PCDH11X: variants seen among roughly 807,000 people sequenced by gnomAD.
The protein encoded by PCDH11X is protocadherin-11 X-linked.
In PCDH11X, 18 loss-of-function variants were observed where a neutral mutation model predicts 53.3. The ratio of observed to expected loss-of-function variants is 0.34; its 90% confidence interval spans 0.23 to 0.50. The LOEUF is 0.50. Among genes scored for constraint, PCDH11X ranks in the 20% least tolerant of loss-of-function variants. PCDH11X has a pLI of 0.98. For synonymous variants in PCDH11X, 279 were observed against 393.3 expected, an observed-to-expected ratio of 0.71 and a Z score of 3.44; for missense variants, 570 against 1,032.4, an observed-to-expected ratio of 0.55 and a Z score of 6.14.
At chrX:92,425,028 G>A (rs1202936719) in intron 9 of PCDH11X, among the ~76,000 whole-genome samples, 5 of 91,473 alleles carry the variant, frequency 5.5e-5, no homozygotes, top group African/African-American at 1.7e-4. Flanking sequence ...TGTGAGGGAA[G>A]TGTAATCTGG....
rs1170000952 is a variant in PCDH11X at position 92,619,936 on chromosome X, A to G, written c.*996A>G. On this transcript the variant is annotated 3_prime_UTR_variant, in exon 11 of 11. Transcript: ENST00000682573. ...ATTTAAATGTTGATTTGACAGCTCA[A>G]TAGGCTGTTACCAAAGGGTGTTCAG... The G allele has an allele frequency of 3.7e-5, 4 of 109,029 alleles. No homozygotes were observed. Among genetic ancestry groups the G allele is most frequent in the Non-Finnish European group, 7.6e-5 (4 of 52,564 alleles). 9.0% of individuals were successfully genotyped at this position (109,029 alleles called of 1,213,427 possible).
chrX:91,982,515 G>A, intron 6 of PCDH11X: 1 of 410,573 alleles, frequency 2.4e-6, no homozygotes, highest in Admixed American at 4.2e-5. Flanking sequence ...TCTTAAAGCT[G>A]AATCATCTTT....
At chrX:91,970,458 C>T (rs769576495) in intron 6 of PCDH11X, among the ~76,000 whole-genome samples, 12 of 111,099 alleles carry the variant, frequency 1.1e-4, no homozygotes, top group South Asian at 3.8e-4. Context: ...GTCCCCTACC[C>T]GATTAGTTAG....
intron 5 of PCDH11X, among the ~76,000 whole-genome samples, chrX:91,871,439 T>C (rs1205503360): frequency 9.5e-6 from 1 of 105,178 alleles, no homozygotes; most frequent in Non-Finnish European, 2.0e-5. Flanking sequence ...AAATGGCTTT[T>C]AATCAGTTTT....
intron 6 of PCDH11X, among the ~76,000 whole-genome samples, chrX:91,916,037 T>C (rs2147810685): frequency 9.1e-6 from 1 of 110,186 alleles, no homozygotes; most frequent in Admixed American, 9.7e-5. Flanking sequence ...CCTAAAGGAA[T>C]CCTCAAAACT....
intron 8 of PCDH11X, among the ~76,000 whole-genome samples, chrX:92,384,870 C>T (rs1169389978): frequency 1.0e-5 from 1 of 98,411 alleles, no homozygotes; most frequent in African/African-American, 3.7e-5. Context: ...CTTACAAAGG[C>T]AATCTAGTCC....
intron 10 of PCDH11X, among the ~76,000 whole-genome samples, chrX:92,525,262 T>C (rs1320853011): frequency 1.1e-4 from 12 of 111,201 alleles, no homozygotes; most frequent in Non-Finnish European, 1.9e-4. Context: ...ATAAGAACAA[T>C]GTAAAGAAGA....
intron 6 of PCDH11X, among the ~76,000 whole-genome samples, chrX:91,920,377 G>A (rs1423060970): frequency 9.2e-6 from 1 of 109,163 alleles, no homozygotes; most frequent in Non-Finnish European, 1.9e-5. Context: ...CCTTCTATAA[G>A]TCCCTTCTAT....
At chrX:92,583,040 T>A (rs1923894548) in intron 10 of PCDH11X, among the ~76,000 whole-genome samples, 1 of 109,410 alleles carries the variant, frequency 9.1e-6, no homozygotes, top group Non-Finnish European at 1.9e-5. Context: ...AACTTCCTTC[T>A]GATTTTACAG....
At chrX:92,462,061 G>GC (rs1309895294) in intron 9 of PCDH11X, among the ~76,000 whole-genome samples, 1 of 111,529 alleles carries the variant, frequency 9.0e-6, no homozygotes, top group African/African-American at 3.3e-5. Context: ...TTGTAATAGA[G>GC]CAAACAGGTT....
chrX:92,558,149 C>G lies in PCDH11X; in HGVS notation c.3368-60115C>G, dbSNP rs370202615. On this transcript the variant is annotated intron_variant, in intron 10 of 10. Coordinates refer to ENST00000682573, the MANE Select transcript of PCDH11X (RefSeq NM_032968.5). The stretch of plus-strand genomic sequence containing the variant: ...TCAAAATGAGATTTGAGTGGAGACA[C>G]AGCCAAACCATATCAACACATAATA... Among the ~76,000 whole-genome samples, 490 of 110,228 alleles carry G rather than the reference C, an allele frequency of 4.4e-3. 3 individuals carry two copies. The highest frequency in any genetic ancestry group is 0.018 in the South Asian group (47 of 2,563).
chrX:91,936,634 T>G (rs943713712), intron 6 of PCDH11X, among the ~76,000 whole-genome samples: 2 of 105,861 alleles, frequency 1.9e-5, no homozygotes, highest in Non-Finnish European at 3.9e-5. Context: ...GCTATTAACT[T>G]GAAGGTAATA....
rs777123486 is a variant in PCDH11X at position 92,535,438 on chromosome X, G to A, written c.3367+67116G>A. Reference sequence around the variant, plus strand: ...ACATGGGAACAGAAAACCAAATACCGCATGTTCTCACTTATCAGTGTAAGC... The same window carrying A: ...ACATGGGAACAGAAAACCAAATACCACATGTTCTCACTTATCAGTGTAAGC... On this transcript the variant is annotated intron_variant, in intron 10 of 10. Transcript: ENST00000682573. Among the ~76,000 whole-genome samples the A allele has an allele frequency of 3.0e-4, 33 of 110,740 alleles. 1 individual carries two copies. Among genetic ancestry groups the A allele is most frequent in the African/African-American group, 8.5e-4 (26 of 30,469 alleles).
At chrX:92,532,868 T>A (rs1288780691) in intron 10 of PCDH11X, among the ~76,000 whole-genome samples, 2 of 111,732 alleles carry the variant, frequency 1.8e-5, no homozygotes, top group Admixed American at 9.5e-5. Flanking sequence ...TAGTCATGTC[T>A]TACATGGATG....
At chrX:91,985,646 G>T (rs1255043344) in intron 6 of PCDH11X, among the ~76,000 whole-genome samples, 1 of 112,420 alleles carries the variant, frequency 8.9e-6, no homozygotes, top group East Asian at 2.8e-4. Flanking sequence ...CTGAAATGGA[G>T]ATTTTCCTGA....
chrX:92,551,772 C>A (rs1253182505), intron 10 of PCDH11X, among the ~76,000 whole-genome samples: 1 of 110,536 alleles, frequency 9.0e-6, no homozygotes, highest in Non-Finnish European at 1.9e-5. Context: ...ATACAAATAT[C>A]CAATTTTCCC....
intron 6 of PCDH11X, among the ~76,000 whole-genome samples, chrX:92,148,117 T>TTTC (rs2065349134): frequency 1.8e-4 from 3 of 16,321 alleles, no homozygotes; most frequent in African/African-American, 2.5e-4. Flanking sequence ...TTTCTTTCTT[T>TTTC]CTTTCTTTCT....
intron 10 of PCDH11X, among the ~76,000 whole-genome samples, chrX:92,594,358 T>A (rs1221885088): frequency 9.0e-6 from 1 of 111,379 alleles, no homozygotes; most frequent in Non-Finnish European, 1.9e-5. Flanking sequence ...TTTGGCTTAT[T>A]TGGTATATCA....
chrX:92,245,402 T>G (rs758686729), intron 7 of PCDH11X, among the ~76,000 whole-genome samples: 7 of 112,492 alleles, frequency 6.2e-5, no homozygotes, highest in African/African-American at 2.3e-4. Context: ...AAGCTGTAAC[T>G]AAATATTTAT....
Sources: gnomAD v4.1 joint callset for allele counts (sites outside exome capture counted in the v4.1 genomes callset) on GRCh38, gnomAD v4.1.1 for gene constraint, MANE v1.5 for transcripts, NCBI Gene and HGNC (gene_info 2026-07-23, HGNC 2026-07-21) for gene names.